The following CSMD1 variants were observed in gnomAD, a reference collection of about 807,000 sequenced individuals.
CSMD1 encodes CUB and Sushi multiple domains 1.
In CSMD1, 213 loss-of-function variants were observed where a neutral mutation model predicts 417.5. The observed-to-expected ratio is 0.51, with a 90% CI of 0.46 to 0.57. CSMD1 has a LOEUF of 0.57. CSMD1 is among the 20% of genes least tolerant of loss of function. CSMD1 has a pLI of 0.00. For missense variants in CSMD1, 6,923 were observed against 4,529.7 expected, an observed-to-expected ratio of 1.53 and a Z score of -15.17; for synonymous variants, 2,862 against 1,736.8, an observed-to-expected ratio of 1.65 and a Z score of -16.11.
chr8:4,896,141 T>C (rs138116198), intron 1 of CSMD1, among the ~76,000 whole-genome samples: 1 of 152,190 alleles, frequency 6.6e-6, no homozygotes, highest in East Asian at 1.9e-4. Context: ...AGCATAAATA[T>C]TTTTTTAAAC....
chr8:4,864,775 C>T (rs183112949), intron 1 of CSMD1, among the ~76,000 whole-genome samples: 33 of 151,508 alleles, frequency 2.2e-4, no homozygotes, highest in African/African-American at 8.0e-4. Context: ...TATTTTCATA[C>T]GTTAGCTAAA....
At chr8:4,810,557 G>T (rs759179273) in intron 1 of CSMD1, among the ~76,000 whole-genome samples, 1 of 152,214 alleles carries the variant, frequency 6.6e-6, no homozygotes, top group South Asian at 2.1e-4. Context: ...GCGCGTATGT[G>T]TGTGTATGTG....
At chr8:4,424,823 T>A (rs1027271298) in intron 2 of CSMD1, among the ~76,000 whole-genome samples, 9 of 152,202 alleles carry the variant, frequency 5.9e-5, no homozygotes, top group African/African-American at 2.2e-4. Flanking sequence ...GCCGGTGGTT[T>A]CCACTTGAGA....
intron 5 of CSMD1, among the ~76,000 whole-genome samples, chr8:3,979,097 G>C (rs1813657922): frequency 6.6e-6 from 1 of 152,230 alleles, no homozygotes; most frequent in Non-Finnish European, 1.5e-5. Context: ...ACAGTAGCCA[G>C]TGCATTTAGA....
chr8:4,025,188 G>T (rs886863631), intron 4 of CSMD1, among the ~76,000 whole-genome samples: 73 of 152,318 alleles, frequency 4.8e-4, no homozygotes, highest in Middle Eastern at 3.4e-3. Context: ...CCCCTCCTGG[G>T]GGAGTGTTCT....
At chr8:2,990,902 A>C (rs573502792) in intron 54 of CSMD1, among the ~76,000 whole-genome samples, 2 of 152,226 alleles carry the variant, frequency 1.3e-5, no homozygotes, top group African/African-American at 2.4e-5. Flanking sequence ...GCATCATCCC[A>C]GGGAAGCGCA....
At chr8:4,069,347 G>T (rs1008211552) in intron 3 of CSMD1, among the ~76,000 whole-genome samples, 1 of 152,170 alleles carries the variant, frequency 6.6e-6, no homozygotes, top group Non-Finnish European at 1.5e-5. Flanking sequence ...CTTATCTACA[G>T]GTAGTTGAAC....
In CSMD1 at chr8:4,961,545, T is replaced by C. The variant is rs143217423; in HGVS notation, c.85+32787A>G. ...GGCTAGTTTGAAAATTAGTTCCTCT[T>C]AGAATTTTGAAGACGTTAACCATTG... is the stretch of plus-strand genomic sequence containing the variant. On this transcript the variant is annotated intron_variant, in intron 1 of 69. Coordinates refer to ENST00000635120, the MANE Select transcript of CSMD1 (RefSeq NM_033225.6). 5.8e-3 allele frequency among the ~76,000 whole-genome samples: 883 copies of C among 152,294 alleles called. 10 individuals are homozygous for C. The highest frequency in any genetic ancestry group is 0.02 in the African/African-American group (842 of 41,566).
At chr8:3,980,262 G>C (rs779853324) in intron 5 of CSMD1, among the ~76,000 whole-genome samples, 2 of 152,190 alleles carry the variant, frequency 1.3e-5, no homozygotes, top group Non-Finnish European at 2.9e-5. Context: ...TAGGGGAAAA[G>C]CTGAACTAGC....
At chr8:3,197,827 T>C (rs916896040) in intron 33 of CSMD1, among the ~76,000 whole-genome samples, 5 of 152,218 alleles carry the variant, frequency 3.3e-5, no homozygotes, top group Admixed American at 3.3e-4. Flanking sequence ...CATTTAACTT[T>C]TCATGTGTAT....
chr8:3,137,405 C>G (rs11782296), intron 41 of CSMD1, among the ~76,000 whole-genome samples: 2,936 of 152,316 alleles, frequency 0.019, 61 homozygotes, highest in African/African-American at 0.06. Flanking sequence ...ATAAACACCT[C>G]AAGTATGGAG....
chr8:3,235,987 G>T (rs551287876), intron 26 of CSMD1, among the ~76,000 whole-genome samples: 1 of 136,008 alleles, frequency 7.4e-6, no homozygotes. Context: ...GCACAATCTC[G>T]GCTCACTGCA....
Position 4,077,279 on chromosome 8 carries a change from C to CTATATATATATATATGTATATA in CSMD1, c.416-45181_416-45180insTATATACATATATATATATATA, listed in dbSNP as rs1799868661. Among the ~76,000 whole-genome samples, 86 of 94,984 alleles carry CTATATATATATATATGTATATA rather than the reference C, an allele frequency of 9.1e-4. 1 individual carries two copies. The highest frequency in any genetic ancestry group is 3.4e-3 in the African/African-American group (81 of 23,556). 62.3% of individuals were successfully genotyped at this position (94,984 alleles called of 152,430 possible). A position where few individuals can be genotyped will look rare whatever the true frequency, so the allele number is the denominator to read the frequency against. Reference sequence around the variant, plus strand: ...CCCACTGTAAAAGCCCATTTGTCACCTATATATATATATATGTGTATATAT... The same window carrying CTATATATATATATATGTATATA: ...CCCACTGTAAAAGCCCATTTGTCACCTATATATATATATATGTATATATATATATATATATATGTGTATATAT... On this transcript the variant is annotated intron_variant, in intron 3 of 69. Coordinates refer to ENST00000635120, the MANE Select transcript of CSMD1 (RefSeq NM_033225.6).
At chr8:3,748,671 G>C (rs1563337216) in intron 6 of CSMD1, among the ~76,000 whole-genome samples, 2 of 152,208 alleles carry the variant, frequency 1.3e-5, no homozygotes, top group South Asian at 4.1e-4. Context: ...GAGCATTGGA[G>C]AATGGGGAAT....
chr8:4,346,773 G>C lies in CSMD1; in HGVS notation c.415+73180C>G, dbSNP rs140030634. Among the ~76,000 whole-genome samples, 536 of 152,174 alleles carry C rather than the reference G, an allele frequency of 3.5e-3. 3 individuals carry two copies. The highest frequency in any genetic ancestry group is 0.012 in the African/African-American group (516 of 41,550). ...ACAGAATTCTTATCAAAATTCAAAG[G>C]AGACAAGTCAGTGGTAAGCTCTGGA... is the stretch of plus-strand genomic sequence containing the variant. On this transcript the variant is annotated intron_variant, in intron 3 of 69. Coordinates refer to ENST00000635120, the MANE Select transcript of CSMD1 (RefSeq NM_033225.6).
At chr8:3,213,018 G>A (rs1330574788) in intron 30 of CSMD1, among the ~76,000 whole-genome samples, 1 of 151,692 alleles carries the variant, frequency 6.6e-6, no homozygotes. Context: ...TTAGTAGAAA[G>A]GGGGTTTCTC....
At chr8:3,335,322 T>G (rs1336521324) in intron 23 of CSMD1, among the ~76,000 whole-genome samples, 1 of 152,114 alleles carries the variant, frequency 6.6e-6, no homozygotes, top group Non-Finnish European at 1.5e-5. Flanking sequence ...CAATTTCCCC[T>G]CCATCACACA....
chr8:4,438,642 G>A (rs532308640), intron 2 of CSMD1, among the ~76,000 whole-genome samples: 3 of 152,306 alleles, frequency 2.0e-5, no homozygotes, highest in South Asian at 2.1e-4. Context: ...ATCCCATGGA[G>A]TAGTATTTAC....
Position 4,830,976 on chromosome 8 carries a change from G to A in CSMD1, c.85+163356C>T, listed in dbSNP as rs370297243. Among the ~76,000 whole-genome samples the A allele has an allele frequency of 6.6e-5, 10 of 152,252 alleles. No homozygotes were observed. In the East Asian group the frequency reaches 9.6e-4, roughly 15 times the overall value. On this transcript the variant is annotated intron_variant, in intron 1 of 69. Transcript: ENST00000635120. ...CTGAAGAAAAAGGTAGCTAATCAAC[G>A]AGGCATTTAGAGGCCCTTCATTTTA...
Sources: gnomAD v4.1 joint callset for allele counts (sites outside exome capture counted in the v4.1 genomes callset) on GRCh38, gnomAD v4.1.1 for gene constraint, MANE v1.5 for transcripts, NCBI Gene and HGNC (gene_info 2026-07-23, HGNC 2026-07-21) for gene names.